Variants in OR1D2 observed in about 807,000 individuals in gnomAD.
OR1D2 encodes the protein olfactory receptor 1D2.
For missense variants in OR1D2, 357 were observed against 376.1 expected (o/e 0.95, Z 0.42); for synonymous variants, 157 against 153.9 (o/e 1.02, Z -0.15).
chr17:3,090,335 T>C lies in OR1D2; in HGVS notation c.*1723A>G, dbSNP rs2047799186. On this transcript the variant is annotated 3_prime_UTR_variant, in exon 2 of 2. Transcript: ENST00000641833. ...GGTTTCTGTTTGTTGAAATTTACAT[T>C]TTATTTATGTATTGATTTCCTGATT... The C allele has an allele frequency of 6.6e-6, 1 of 152,232 alleles. No homozygotes were observed. The highest frequency in any genetic ancestry group is 2.4e-5 in the African/African-American group (1 of 41,476). 9.4% of individuals were successfully genotyped at this position (152,232 alleles called of 1,614,324 possible).
In OR1D2 at chr17:3,089,521, T is replaced by C. The variant is rs150651108; in HGVS notation, c.*2537A>G. On this transcript the variant is annotated 3_prime_UTR_variant, in exon 2 of 2. Transcript: ENST00000641833. ...CAAGAGTGCACCAGCTGTGGTAGCATAGGGGGGATACAAACTTGCCCTAAG... is the reference window on the plus strand; with the variant it reads ...CAAGAGTGCACCAGCTGTGGTAGCACAGGGGGGATACAAACTTGCCCTAAG... The C allele has an allele frequency of 1.3e-3, 203 of 152,344 alleles. No homozygotes were observed. Among genetic ancestry groups the C allele is most frequent in the African/African-American group, 4.6e-3 (192 of 41,542 alleles). The allele number at this position is 152,344 out of a possible 1,614,324, so 9.4% of individuals were successfully genotyped here.
rs1204845810 is a variant in OR1D2, at chr17:3,092,007, G to A, written c.*51C>T. 7.4e-7 allele frequency: 1 copy of A among 1,353,910 alleles called. No individual in the cohort carries two copies. Among genetic ancestry groups the A allele is most frequent in the Non-Finnish European group, 1.0e-6 (1 of 967,304 alleles). The allele number at this position is 1,353,910 out of a possible 1,614,324, so 83.9% of individuals were successfully genotyped here. Reference sequence around the variant, plus strand: ...ACACACAGGACAATCCCTTACATAGGGTGAAGGATATTCCTAGTCTCCACT... The same window carrying A: ...ACACACAGGACAATCCCTTACATAGAGTGAAGGATATTCCTAGTCTCCACT... On this transcript the variant is annotated 3_prime_UTR_variant, in exon 2 of 2. Coordinates refer to ENST00000641833, the MANE Select transcript of OR1D2 (RefSeq NM_002548.3).
chr17:3,098,514 G>T (rs1567949359), intron 1 of OR1D2, among the ~76,000 whole-genome samples: 1 of 152,206 alleles, frequency 6.6e-6, no homozygotes, highest in East Asian at 1.9e-4. Flanking sequence ...CCCCATCCAA[G>T]GGGCGGCAGC....
At chr17:3,095,361 CA>C (rs1383025744) in intron 1 of OR1D2, among the ~76,000 whole-genome samples, 1 of 151,938 alleles carries the variant, frequency 6.6e-6, no homozygotes, top group Admixed American at 6.6e-5. Context: ...ATAACATATT[CA>C]AAATGGTTGA....
At position 3,092,451 on chromosome 17, in the gene OR1D2, A is replaced by T. The variant is rs775748690; in HGVS notation, c.546T>A (p.Tyr182Ter). 1 of 1,614,078 alleles carries T rather than the reference A, an allele frequency of 6.2e-7. No homozygotes were observed. The highest frequency in any genetic ancestry group is 1.3e-5 in the African/African-American group (1 of 74,924). ...RKIHYIFCEMYVLLRMACSNI... is the reference protein window; with the variant it reads ...RKIHYIFCEM ...TGGAACATGCCATCCTCAGCAATAC[A>T]TACATCTCACAGAAGATGTAGTGGA... Residue 182 changes from tyrosine to a stop codon, truncating the protein, a stop_gained, in exon 2 of 2, where the codon TAT becomes TAA. Transcript: ENST00000641833. LOFTEE classifies it low-confidence loss of function (END_TRUNC).
Position 3,088,998 on chromosome 17 carries a change from T to C in OR1D2, c.*3060A>G. On this transcript the variant is annotated 3_prime_UTR_variant, in exon 2 of 2. Transcript: ENST00000641833. ...TTTCTGGCAATTCAGAGATTTCTTC[T>C]TGGTTTGGATCCATTGCTGGTGAGC... 6.6e-6 allele frequency: 1 copy of C among 152,198 alleles called. No homozygotes were observed. Among genetic ancestry groups the C allele is most frequent in the Non-Finnish European group, 1.5e-5 (1 of 68,032 alleles). The allele number at this position is 152,198 out of a possible 1,614,324, so 9.4% of individuals were successfully genotyped here. A position where few individuals can be genotyped will look rare whatever the true frequency, so the allele number is the denominator to read the frequency against.
rs74984557 is a variant in OR1D2, at chr17:3,096,566, C to G, written c.-50-3520G>C. ...TGGCTTGAGGCCAAGAGTTCAAGAC[C>G]AGCCTGAGCAACATAGCAAGACCCC... On this transcript the variant is annotated intron_variant, in intron 1 of 1. Transcript: ENST00000641833. Among the ~76,000 whole-genome samples the G allele has an allele frequency of 3.0e-3, 454 of 152,314 alleles. 10 individuals carry two copies. The East Asian group carries it at 0.07, about 23-fold the overall frequency.
At position 3,092,398 on chromosome 17, in the gene OR1D2, A is replaced by G. The variant is rs149144344; in HGVS notation, c.599T>C (p.Ile200Thr). 23 of 1,614,114 alleles carry G rather than the reference A, an allele frequency of 1.4e-5. No homozygotes were observed. In the African/African-American group the frequency reaches 2.3e-4, roughly 16 times the overall value. Residue 200 changes from isoleucine (I) to threonine (T), a missense_variant, in exon 2 of 2, where the codon ATT (isoleucine) becomes ACT (threonine). Ile to Thr is a moderately conservative substitution (Grantham distance 89). Transcript: ENST00000641833. ...SNIQINHTVLIATGCFIFLIP... is the reference protein window; with the variant it reads ...SNIQINHTVLTATGCFIFLIP... ...GAGGAAGATGAAGCAGCCTGTGGCAATCAGCACTGTGTGATTAATCTGAAT... is the reference window on the plus strand; with the variant it reads ...GAGGAAGATGAAGCAGCCTGTGGCAGTCAGCACTGTGTGATTAATCTGAAT...
rs2047799992 is a variant in OR1D2 at position 3,090,487 on chromosome 17, CTTTGG to C, written c.*1566_*1570del. Reference sequence around the variant, plus strand: ...TGGTTTCTGAAGCTTTATTTTGTTCCTTTGGCTTTGCTAAGTTTCCTTGATTCCTT... The same window carrying C: ...TGGTTTCTGAAGCTTTATTTTGTTCCCTTTGCTAAGTTTCCTTGATTCCTT... On this transcript the variant is annotated 3_prime_UTR_variant, in exon 2 of 2. Transcript: ENST00000641833. 1.3e-5 allele frequency: 2 copies of C among 152,152 alleles called. No homozygotes were observed. The highest frequency in any genetic ancestry group is 4.1e-4 in the South Asian group (2 of 4,832). 9.4% of individuals were successfully genotyped at this position (152,152 alleles called of 1,614,324 possible).
rs1311035619 is a variant in OR1D2 at position 3,089,127 on chromosome 17, C to G, written c.*2931G>C. On this transcript the variant is annotated 3_prime_UTR_variant, in exon 2 of 2. Transcript: ENST00000641833. ...GGGTAGACTATGTCAGAAGGAAGAT[C>G]TGGGGCTCAAGGGCTACTTATCAGA... 2.0e-5 allele frequency: 3 copies of G among 152,194 alleles called. No individual in the cohort carries two copies. In the East Asian group the frequency reaches 5.8e-4, roughly 29 times the overall value. The allele number at this position is 152,194 out of a possible 1,614,324, so 9.4% of individuals were successfully genotyped here.
intron 1 of OR1D2, among the ~76,000 whole-genome samples, chr17:3,103,228 C>CT (rs1210777828): frequency 2.0e-5 from 3 of 151,914 alleles, no homozygotes; most frequent in African/African-American, 7.3e-5. Flanking sequence ...TGCTTGCTTC[C>CT]TTTTTTCTTC....
At chr17:3,094,253 A>T (rs1338974351) in intron 1 of OR1D2, among the ~76,000 whole-genome samples, 1 of 152,168 alleles carries the variant, frequency 6.6e-6, no homozygotes, top group East Asian at 1.9e-4. Context: ...TCGGAGGACT[A>T]GTTCGAACAA....
In OR1D2 at chr17:3,104,312, G is replaced by A. The variant is rs1243692478; in HGVS notation, c.-264C>T. 1.3e-5 allele frequency: 2 copies of A among 152,160 alleles called. No individual in the cohort carries two copies. Among genetic ancestry groups the A allele is most frequent in the African/African-American group, 4.8e-5 (2 of 41,424 alleles). The allele number at this position is 152,160 out of a possible 1,614,324, so 9.4% of individuals were successfully genotyped here. ...CTGTAAAAAAGGAGACAGGATTTCA[G>A]GCTATTGATGCCCCAATGAGATTTG... On this transcript the variant is annotated 5_prime_UTR_variant, in exon 1 of 2. Coordinates refer to ENST00000641833, the MANE Select transcript of OR1D2 (RefSeq NM_002548.3).
rs768678538 is a variant in OR1D2, at chr17:3,092,649, A to G, written c.348T>C (p.Ala116=). Residue 116 remains alanine, a synonymous_variant, in exon 2 of 2, where the codon GCT becomes GCC. Transcript: ENST00000641833. ...CCACATAGCGGTCATATGCCATCACAGCCAGGATGAGGTTGTCCAGGGCCA... is the reference window on the plus strand; with the variant it reads ...CCACATAGCGGTCATATGCCATCACGGCCAGGATGAGGTTGTCCAGGGCCA... ...SLVALDNLIL[A]VMAYDRYVAI... The G allele has an allele frequency of 1.9e-6, 3 of 1,614,140 alleles. No homozygotes were observed. Among genetic ancestry groups the G allele is most frequent in the Non-Finnish European group, 1.7e-6 (2 of 1,180,016 alleles).
rs78926853 is a variant in OR1D2, at chr17:3,096,420, C to T, written c.-50-3374G>A. ...ATGCAATCAGGAACCACAAGAAAAACGGAATGGCTGTACTTTAGCCTTAAA... is the reference window on the plus strand; with the variant it reads ...ATGCAATCAGGAACCACAAGAAAAATGGAATGGCTGTACTTTAGCCTTAAA... On this transcript the variant is annotated intron_variant, in intron 1 of 1. Coordinates refer to ENST00000641833, the MANE Select transcript of OR1D2 (RefSeq NM_002548.3). Among the ~76,000 whole-genome samples the T allele has an allele frequency of 1.7e-4, 26 of 152,270 alleles. No individual in the cohort carries two copies. In the East Asian group the frequency reaches 2.7e-3, roughly 16 times the overall value.
rs1027005636 is a variant in OR1D2, at chr17:3,089,754, G to T, written c.*2304C>A. 1 of 152,348 alleles carries T rather than the reference G, an allele frequency of 6.6e-6. No homozygotes were observed. The highest frequency in any genetic ancestry group is 1.5e-5 in the Non-Finnish European group (1 of 68,148). 9.4% of individuals were successfully genotyped at this position (152,348 alleles called of 1,614,324 possible). A position where few individuals can be genotyped will look rare whatever the true frequency, so the allele number is the denominator to read the frequency against. On this transcript the variant is annotated 3_prime_UTR_variant, in exon 2 of 2. Transcript: ENST00000641833. ...ATGGGGGTGTGGTTAACAGGCCAAT[G>T]AAGTTATGTTCCCATGGGGATTATG...
At position 3,097,976 on chromosome 17, in the gene OR1D2, A is replaced by G. The variant is rs1225899958; in HGVS notation, c.-50-4930T>C. ...TCCTCACTGGGTGGGGCCTCAATGC[A>G]GGAAGTACAACTTCAGCCAGGGGCT... On this transcript the variant is annotated intron_variant, in intron 1 of 1. Coordinates refer to ENST00000641833, the MANE Select transcript of OR1D2 (RefSeq NM_002548.3). 5.9e-5 allele frequency among the ~76,000 whole-genome samples: 9 copies of G among 152,146 alleles called. 1 individual carries two copies. The South Asian group carries it at 1.9e-3, about 31-fold the overall frequency.
Position 3,092,943 on chromosome 17 carries a change from T to C in OR1D2, c.54A>G (p.Ser18=). ...EGSEFLLLGM[S]ESPEQQRILF... The stretch of plus-strand genomic sequence containing the variant: ...GGATCCGCTGCTGCTCAGGACTCTC[T>C]GACATCCCCAGGAGAAGGAACTCTG... The change falls in exon 2 of 2, where the codon TCA becomes TCG. Residue 18 remains serine (S), a synonymous_variant. Transcript: ENST00000641833. The C allele has an allele frequency of 6.2e-7, 1 of 1,614,010 alleles. No homozygotes were observed. Among genetic ancestry groups the C allele is most frequent in the South Asian group, 1.1e-5 (1 of 91,054 alleles).
In OR1D2 at chr17:3,093,058, A is replaced by T; in HGVS notation, c.-50-12T>A. 1 of 1,448,260 alleles carries T rather than the reference A, an allele frequency of 6.9e-7. No homozygotes were observed. The highest frequency in any genetic ancestry group is 9.5e-7 in the Non-Finnish European group (1 of 1,049,878). The allele number at this position is 1,448,260 out of a possible 1,614,324, so 89.7% of individuals were successfully genotyped here. On this transcript the variant is annotated splice_polypyrimidine_tract_variant and intron_variant, in intron 1 of 1. Coordinates refer to ENST00000641833, the MANE Select transcript of OR1D2 (RefSeq NM_002548.3). ...GTTTACCAAAAGTCCTTAATTGAAT[A>T]AAAACATGAAGATAAGCAAAATCAA...
Sources: gnomAD v4.1 joint callset for allele counts (sites outside exome capture counted in the v4.1 genomes callset) on GRCh38, gnomAD v4.1.1 for gene constraint, MANE v1.5 for transcripts, NCBI Gene and HGNC (gene_info 2026-07-23, HGNC 2026-07-21) for gene names.